FNDC3B: variants seen among roughly 807,000 people sequenced by gnomAD.
The protein encoded by FNDC3B is fibronectin type III domain containing 3B, also known as fibronectin type III domain-containing protein 3B.
A neutral mutation model predicts 151.5 loss-of-function variants in FNDC3B; 12 were observed. The ratio of observed to expected loss-of-function variants is 0.08; its 90% CI spans 0.05 to 0.13. The LOEUF (loss-of-function observed/expected upper bound fraction) is 0.13. Among genes scored for constraint, FNDC3B ranks in the 10% least tolerant of loss-of-function variants. The pLI is 1.00. For synonymous variants in FNDC3B, 528 were observed against 549.0 expected (o/e 0.96, Z 0.54); for missense variants, 1,214 against 1,505.3 (o/e 0.81, Z 3.20).
chr3:172,330,356 T>C lies in FNDC3B; in HGVS notation c.1380-185T>C, dbSNP rs541077795. On this transcript the variant is annotated intron_variant, in intron 12 of 25. Transcript: ENST00000415807. ...GGTGTGTGTGTCTAGTAGAAGATCATGGGGTGGGGGGATGGGGAAGCTGAA... is the reference window on the plus strand; with the variant it reads ...GGTGTGTGTGTCTAGTAGAAGATCACGGGGTGGGGGGATGGGGAAGCTGAA... 488 of 499,630 alleles carry C rather than the reference T, an allele frequency of 9.8e-4. 5 individuals are homozygous for C. In the South Asian group the frequency reaches 0.011, roughly 11 times the overall value. 30.9% of individuals were successfully genotyped at this position (499,630 alleles called of 1,614,324 possible).
chr3:172,204,755 C>T (rs755876660), intron 3 of FNDC3B, among the ~76,000 whole-genome samples: 7 of 152,126 alleles, frequency 4.6e-5, no homozygotes, highest in Non-Finnish European at 1.0e-4. Context: ...GTCTAGTATT[C>T]GCTGCATGAA....
intron 1 of FNDC3B, among the ~76,000 whole-genome samples, chr3:172,062,819 C>T (rs926090362): frequency 3.3e-5 from 5 of 151,608 alleles, no homozygotes; most frequent in African/African-American, 9.7e-5. Flanking sequence ...TCCTGAAGCC[C>T]GTATATCACT....
At position 172,378,776 on chromosome 3, in the gene FNDC3B, T is replaced by C. The variant is rs56361119; in HGVS notation, c.3175+340T>C. On this transcript the variant is annotated intron_variant, in intron 24 of 25. Coordinates refer to ENST00000415807, the MANE Select transcript of FNDC3B (RefSeq NM_022763.4). ...ACTTTCAGAGAAGCAGAGGTTGGCA[T>C]TCATCTTTCAGTGACTTTGGTGCCT... 5.8e-3 allele frequency among the ~76,000 whole-genome samples: 881 copies of C among 152,294 alleles called. 7 individuals carry two copies. Among genetic ancestry groups the C allele is most frequent in the African/African-American group, 0.02 (849 of 41,560 alleles).
At chr3:172,171,469 A>T (rs567690656) in intron 3 of FNDC3B, among the ~76,000 whole-genome samples, 192 of 152,192 alleles carry the variant, frequency 1.3e-3, no homozygotes, top group African/African-American at 4.4e-3. Flanking sequence ...AGAATGGGGT[A>T]TCTTTTTAAA....
At chr3:172,245,557 G>A (rs138160502) in intron 4 of FNDC3B, among the ~76,000 whole-genome samples, 185 of 152,206 alleles carry the variant, frequency 1.2e-3, no homozygotes, top group Non-Finnish European at 2.0e-3. Context: ...AAATCATGAT[G>A]TATTTATACT....
chr3:172,151,616 G>A (rs1216822261), intron 3 of FNDC3B, among the ~76,000 whole-genome samples: 1 of 151,980 alleles, frequency 6.6e-6, no homozygotes, highest in East Asian at 1.9e-4. Context: ...TTTTAATTTT[G>A]GAAATGCTTT....
chr3:172,358,809 A>C (rs1177931399), intron 22 of FNDC3B, among the ~76,000 whole-genome samples: 2 of 152,230 alleles, frequency 1.3e-5, no homozygotes, highest in African/African-American at 4.8e-5. Flanking sequence ...TTGTAATTGC[A>C]GAAAAAAGTC....
At position 172,044,618 on chromosome 3, in the gene FNDC3B, ACATCC is replaced by A. The variant is rs1179031145; in HGVS notation, c.-29+4848_-29+4852del. ...TACTGAGACTGTTCAGATAACTGAA[ACATCC>A]TGTTCATACCCATTCCTGACCATTG... On this transcript the variant is annotated intron_variant, in intron 1 of 25. Transcript: ENST00000415807. 1.8e-4 allele frequency among the ~76,000 whole-genome samples: 28 copies of A among 152,332 alleles called. No homozygotes were observed. The South Asian group carries it at 5.6e-3, about 30-fold the overall frequency.
At chr3:172,337,769 C>G (rs764097540) in intron 16 of FNDC3B, 1 of 231,782 alleles carries the variant, frequency 4.3e-6, no homozygotes, top group African/African-American at 2.4e-5. Context: ...ATTGCAGTCT[C>G]AAACTCCTGG....
intron 6 of FNDC3B, among the ~76,000 whole-genome samples, chr3:172,277,848 T>TA (rs1729513987): frequency 6.6e-6 from 1 of 152,178 alleles, no homozygotes; most frequent in South Asian, 2.1e-4. Context: ...CCACTTTCTT[T>TA]ACTCATTGAT....
intron 25 of FNDC3B, among the ~76,000 whole-genome samples, chr3:172,390,568 G>C (rs1231708736): frequency 6.6e-6 from 1 of 151,064 alleles, no homozygotes; most frequent in Non-Finnish European, 1.5e-5. Flanking sequence ...CTTAACCAGG[G>C]TTTGTCTTGA....
At chr3:172,203,961 G>T (rs1725299058) in intron 3 of FNDC3B, among the ~76,000 whole-genome samples, 1 of 152,204 alleles carries the variant, frequency 6.6e-6, no homozygotes, top group South Asian at 2.1e-4. Context: ...TAGAAGGCTT[G>T]TCCCAAAGTG....
chr3:172,389,252 GACATT>G (rs1440001413), intron 25 of FNDC3B, among the ~76,000 whole-genome samples: 1 of 152,050 alleles, frequency 6.6e-6, no homozygotes, highest in Non-Finnish European at 1.5e-5. Context: ...AAAAAATTGA[GACATT>G]ACATTTCATT....
intron 3 of FNDC3B, among the ~76,000 whole-genome samples, chr3:172,222,788 T>C (rs1392653909): frequency 6.6e-5 from 10 of 152,114 alleles, no homozygotes; most frequent in Admixed American, 5.2e-4. Flanking sequence ...CACAAACCAA[T>C]AGTGGTCCGT....
rs887815523 is a variant in FNDC3B at position 172,302,038 on chromosome 3, G to A, written c.1061+3251G>A. On this transcript the variant is annotated intron_variant, in intron 9 of 25. Transcript: ENST00000415807. ...ATATTGCAACATTTTGATTAAAAGT[G>A]TAAGATTTCTGTCTTAAATCATGTA... 1.3e-4 allele frequency: 20 copies of A among 152,178 alleles called. 1 individual carries two copies. Among genetic ancestry groups the A allele is most frequent in the Admixed American group, 9.2e-4 (14 of 15,290 alleles). The allele number at this position is 152,178 out of a possible 1,614,324, so 9.4% of individuals were successfully genotyped here.
At chr3:172,307,835 G>T (rs1162385603) in intron 10 of FNDC3B, among the ~76,000 whole-genome samples, 1 of 152,186 alleles carries the variant, frequency 6.6e-6, no homozygotes, top group African/African-American at 2.4e-5. Flanking sequence ...TTGGGCAAAG[G>T]GGTGGGAGGA....
chr3:172,159,615 G>A (rs1404486316), intron 3 of FNDC3B, among the ~76,000 whole-genome samples: 1 of 152,172 alleles, frequency 6.6e-6, no homozygotes, highest in Non-Finnish European at 1.5e-5. Flanking sequence ...AAGTGAATAT[G>A]AGTTAAGTAA....
At chr3:172,393,306 G>C (rs773958568) in intron 25 of FNDC3B, among the ~76,000 whole-genome samples, 1 of 152,096 alleles carries the variant, frequency 6.6e-6, no homozygotes, top group Non-Finnish European at 1.5e-5. Flanking sequence ...ATAATGATAA[G>C]AGCATCAATT....
intron 6 of FNDC3B, among the ~76,000 whole-genome samples, chr3:172,262,177 G>T (rs978363419): frequency 6.6e-6 from 1 of 152,210 alleles, no homozygotes; most frequent in Non-Finnish European, 1.5e-5. Context: ...GGAAAAAAAT[G>T]GGCAGAAAAT....
Sources: gnomAD v4.1 joint callset for allele counts (sites outside exome capture counted in the v4.1 genomes callset) on GRCh38, gnomAD v4.1.1 for gene constraint, MANE v1.5 for transcripts, NCBI Gene and HGNC (gene_info 2026-07-23, HGNC 2026-07-21) for gene names.